The following MAPK10 variants were observed in gnomAD, a reference collection of about 807,000 sequenced individuals.
The protein encoded by MAPK10 is JNK3 alpha protein kinase.
In MAPK10, 25 loss-of-function variants were observed where a neutral mutation model predicts 59.3. That is an observed-to-expected ratio of 0.42 (90% CI 0.31 to 0.59). MAPK10 has a LOEUF of 0.59. Ranked by LOEUF, MAPK10 falls within the 20% of genes least tolerant of loss-of-function variation. The pLI is 0.15. For missense variants in MAPK10, 351 were observed against 568.9 expected (o/e 0.62, Z 3.90); for synonymous variants, 190 against 200.5 (o/e 0.95, Z 0.44).
intron 3 of MAPK10, among the ~76,000 whole-genome samples, chr4:86,169,784 GA>G (rs2073402325): frequency 6.6e-6 from 1 of 151,276 alleles, no homozygotes; most frequent in Non-Finnish European, 1.5e-5. Flanking sequence ...AAGTTGAAAT[GA>G]AGGAAAAAAT....
At chr4:86,534,673 A>C (rs535977027) in intron 1 of MAPK10, among the ~76,000 whole-genome samples, 23 of 152,266 alleles carry the variant, frequency 1.5e-4, no homozygotes, top group African/African-American at 5.5e-4. Context: ...TGGGATACTG[A>C]GGCAGGCCCA....
chr4:86,170,064 TA>T (rs1366529738), intron 3 of MAPK10, among the ~76,000 whole-genome samples: 6 of 151,684 alleles, frequency 4.0e-5, no homozygotes, highest in Non-Finnish European at 8.8e-5. Flanking sequence ...AAGGAAGCGC[TA>T]AACATGGAAA....
chr4:86,582,553 T>C (rs1472025117), intron 1 of MAPK10, among the ~76,000 whole-genome samples: 2 of 152,176 alleles, frequency 1.3e-5, no homozygotes, highest in Admixed American at 1.3e-4. Context: ...TCCTTTTCCT[T>C]AAAGCTATTC....
chr4:86,140,604 A>C (rs2063425698), intron 4 of MAPK10, among the ~76,000 whole-genome samples: 1 of 151,128 alleles, frequency 6.6e-6, no homozygotes, highest in African/African-American at 2.4e-5. Flanking sequence ...TAGTGGGTGC[A>C]GCACACCAGC....
chr4:86,373,954 A>C (rs1189571859), intron 1 of MAPK10, among the ~76,000 whole-genome samples: 1 of 152,202 alleles, frequency 6.6e-6, no homozygotes, highest in Non-Finnish European at 1.5e-5. Context: ...ACACATGCAC[A>C]CGTATGTTTA....
chr4:86,453,626 C>G (rs886564094), upstream of MAPK10, among the ~76,000 whole-genome samples: 1 of 134,940 alleles, frequency 7.4e-6, no homozygotes, highest in Non-Finnish European at 1.5e-5. Context: ...CAAGTAGAGT[C>G]TGAGCTCAGA....
Position 86,149,057 on chromosome 4 carries a change from T to G in MAPK10, c.236+10241A>C, listed in dbSNP as rs570576096. On this transcript the variant is annotated intron_variant, in intron 4 of 13. Coordinates refer to ENST00000641462, the MANE Select transcript of MAPK10 (RefSeq NM_138982.4). ...TTCAACCACCAGCCAATAATATTCA[T>G]GACATATGTGCTAGATTCATTCCAT... Among the ~76,000 whole-genome samples, 20 of 152,312 alleles carry G rather than the reference T, an allele frequency of 1.3e-4. No individual in the cohort carries two copies. The South Asian group carries it at 4.1e-3, about 32-fold the overall frequency.
At chr4:86,106,383 T>A (rs1251211967) in intron 5 of MAPK10, among the ~76,000 whole-genome samples, 1 of 151,054 alleles carries the variant, frequency 6.6e-6, no homozygotes, top group East Asian at 1.9e-4. Flanking sequence ...TGTAATGAAG[T>A]TATCTTTTGA....
At chr4:86,474,586 T>C (rs1752914986) in intron 1 of MAPK10, among the ~76,000 whole-genome samples, 1 of 152,210 alleles carries the variant, frequency 6.6e-6, no homozygotes, top group Admixed American at 6.5e-5. Context: ...TCTACCAGTC[T>C]CTGAAAATGT....
At chr4:86,108,512 G>A (rs542345843) in intron 4 of MAPK10, among the ~76,000 whole-genome samples, 1 of 152,264 alleles carries the variant, frequency 6.6e-6, no homozygotes, top group South Asian at 2.1e-4. Context: ...GTAAGAAAAT[G>A]ATAGATTCAC....
intron 1 of MAPK10, among the ~76,000 whole-genome samples, chr4:86,535,470 A>C (rs1242131443): frequency 2.6e-5 from 4 of 152,148 alleles, no homozygotes; most frequent in Non-Finnish European, 5.9e-5. Context: ...CGGTGTCGCT[A>C]TTGTAGCTCA....
chr4:86,019,119 A>G (rs1325591613), intron 13 of MAPK10, among the ~76,000 whole-genome samples: 1 of 152,192 alleles, frequency 6.6e-6, no homozygotes, highest in African/African-American at 2.4e-5. Context: ...GAAATGTGAA[A>G]AAATATAGGA....
intron 1 of MAPK10, among the ~76,000 whole-genome samples, chr4:86,535,234 A>T (rs1758142963): frequency 1.3e-5 from 2 of 152,218 alleles, no homozygotes; most frequent in Admixed American, 6.5e-5. Context: ...CCAAAGCCAG[A>T]AAGTTCCAGA....
chr4:86,256,730 C>CTTTTTTTTTTTTTTTTTTTT (rs2093735025), intron 2 of MAPK10, among the ~76,000 whole-genome samples: 1 of 87,744 alleles, frequency 1.1e-5, no homozygotes, highest in African/African-American at 5.7e-5. Flanking sequence ...TCTTTTCTTT[C>CTTTTTTTTTTTTTTTTTTTT]TTTCTTTTTT....
chr4:86,499,542 A>G (rs1755143352), intron 1 of MAPK10, among the ~76,000 whole-genome samples: 1 of 152,212 alleles, frequency 6.6e-6, no homozygotes, highest in Admixed American at 6.5e-5. Context: ...TGTTCAGTCA[A>G]TATCAATTAG....
At position 86,367,679 on chromosome 4, in the gene MAPK10, T is replaced by G. The variant is rs1738139920; in HGVS notation, c.-121-13035A>C. ...TTTTTTTTTGTTTTGTTTTGTTTTT[T>G]TTGGTGAAACATGTGCAGCTAGTCC... is the stretch of plus-strand genomic sequence containing the variant. On this transcript the variant is annotated intron_variant, in intron 1 of 13. Coordinates refer to the MAPK10 transcript ENST00000361569. Among the ~76,000 whole-genome samples, 5 of 152,126 alleles carry G rather than the reference T, an allele frequency of 3.3e-5. No individual in the cohort carries two copies. The South Asian group carries it at 1.0e-3, about 31-fold the overall frequency.
chr4:86,109,425 C>T (rs28684379), intron 4 of MAPK10, among the ~76,000 whole-genome samples: 22,228 of 152,094 alleles, frequency 0.15, 1,685 homozygotes, highest in Admixed American at 0.17. Flanking sequence ...GTCTGGTTCC[C>T]GTCCCTGTGT....
At chr4:86,495,100 G>A (rs1754775459) in intron 1 of MAPK10, among the ~76,000 whole-genome samples, 1 of 152,018 alleles carries the variant, frequency 6.6e-6, no homozygotes, top group African/African-American at 2.4e-5. Flanking sequence ...AGACTTTTCA[G>A]GGCTGCTCCA....
chr4:86,146,737 T>C (rs996529147), intron 4 of MAPK10, among the ~76,000 whole-genome samples: 3 of 152,206 alleles, frequency 2.0e-5, no homozygotes, highest in African/African-American at 7.2e-5. Context: ...CACCTCCACC[T>C]GATAAATGAG....
Sources: gnomAD v4.1 joint callset for allele counts (sites outside exome capture counted in the v4.1 genomes callset) on GRCh38, gnomAD v4.1.1 for gene constraint, MANE v1.5 for transcripts, NCBI Gene and HGNC (gene_info 2026-07-23, HGNC 2026-07-21) for gene names.